SYT1: variants seen among roughly 807,000 people sequenced by gnomAD.
SYT1 encodes the protein synaptotagmin-1.
A neutral mutation model predicts 44.8 loss-of-function variants in SYT1; 8 were observed. The ratio of observed to expected loss-of-function variants is 0.18; its 90% CI spans 0.10 to 0.32. The LOEUF is 0.32. SYT1 is among the 10% of genes least tolerant of loss of function. The pLI, the probability that SYT1 is intolerant of heterozygous loss-of-function variation, is 1.00. For synonymous variants in SYT1, 154 were observed against 188.8 expected, an observed-to-expected ratio of 0.82 and a Z score of 1.51; for missense variants, 286 against 509.3, an observed-to-expected ratio of 0.56 and a Z score of 4.22.
chr12:79,057,941 T>C (rs1263824183), intron 3 of SYT1, among the ~76,000 whole-genome samples: 1 of 152,024 alleles, frequency 6.6e-6, no homozygotes, highest in Non-Finnish European at 1.5e-5. Context: ...TTATAATAAA[T>C]ACCATTTTAT....
intron 3 of SYT1, among the ~76,000 whole-genome samples, chr12:79,129,517 T>C (rs1052525918): frequency 6.6e-6 from 1 of 152,176 alleles, no homozygotes; most frequent in Admixed American, 6.5e-5. Context: ...GAGTAGTGTA[T>C]TGACCATGGA....
At chr12:78,950,369 A>G (rs1878897824) in intron 1 of SYT1, among the ~76,000 whole-genome samples, 1 of 152,118 alleles carries the variant, frequency 6.6e-6, no homozygotes, top group Non-Finnish European at 1.5e-5. Flanking sequence ...CAACATATGT[A>G]AATGAACAAT....
intron 1 of SYT1, among the ~76,000 whole-genome samples, chr12:78,918,293 C>G (rs1280376063): frequency 1.3e-5 from 2 of 152,010 alleles, no homozygotes; most frequent in Non-Finnish European, 2.9e-5. Flanking sequence ...GTGAAAACAG[C>G]CTTTCCCTTG....
At chr12:79,331,352 G>A (rs913168111) in intron 8 of SYT1, among the ~76,000 whole-genome samples, 1 of 152,016 alleles carries the variant, frequency 6.6e-6, no homozygotes, top group Non-Finnish European at 1.5e-5. Flanking sequence ...ATCTCCTTCA[G>A]CCAAATGGTC....
At chr12:79,359,610 C>T (rs1883242135) in intron 9 of SYT1, among the ~76,000 whole-genome samples, 1 of 152,052 alleles carries the variant, frequency 6.6e-6, no homozygotes, top group African/African-American at 2.4e-5. Context: ...AAGGAGTCAC[C>T]ATCACTATAT....
intron 9 of SYT1, among the ~76,000 whole-genome samples, chr12:79,389,101 C>G (rs1041280984): frequency 2.0e-5 from 3 of 152,204 alleles, no homozygotes; most frequent in Non-Finnish European, 4.4e-5. Context: ...CTACTTACAA[C>G]AGAATTATAT....
intron 4 of SYT1, among the ~76,000 whole-genome samples, chr12:79,232,204 T>A (rs1014269376): frequency 6.6e-6 from 1 of 152,232 alleles, no homozygotes; most frequent in Non-Finnish European, 1.5e-5. Context: ...CCACTGCATA[T>A]GTATAGAGCA....
At chr12:78,954,433 C>T (rs957207455) in intron 1 of SYT1, among the ~76,000 whole-genome samples, 2 of 151,580 alleles carry the variant, frequency 1.3e-5, no homozygotes, top group East Asian at 1.9e-4. Context: ...TTTTAAATTA[C>T]CAAAATGATA....
intron 1 of SYT1, among the ~76,000 whole-genome samples, chr12:78,954,404 A>G (rs1383323436): frequency 6.6e-6 from 1 of 151,966 alleles, no homozygotes; most frequent in African/African-American, 2.4e-5. Context: ...TAACTTTTAT[A>G]TTTGAATATA....
chr12:79,111,867 T>A (rs1879030831), intron 3 of SYT1, among the ~76,000 whole-genome samples: 1 of 152,112 alleles, frequency 6.6e-6, no homozygotes, highest in Admixed American at 6.6e-5. Flanking sequence ...CCTAATTTCA[T>A]GTTCTAAAAA....
chr12:79,390,212 C>T (rs370179551), intron 9 of SYT1, among the ~76,000 whole-genome samples: 33 of 152,240 alleles, frequency 2.2e-4, no homozygotes, highest in Admixed American at 4.6e-4. Flanking sequence ...GGATTACAGG[C>T]GTGAACCACC....
rs1871048974 is a variant in SYT1 at position 79,451,334 on chromosome 12, G to GA, written c.*2214dup. ...GTGAAATTAAATAATGGTTTGAACA[G>GA]AAAATTCAAACAAGACTCTTTCCAA... On this transcript the variant is annotated 3_prime_UTR_variant, in exon 11 of 11. Coordinates refer to ENST00000261205, the MANE Select transcript of SYT1 (RefSeq NM_005639.3). The GA allele has an allele frequency of 6.6e-6, 1 of 152,210 alleles. No homozygotes were observed. Among genetic ancestry groups the GA allele is most frequent in the Non-Finnish European group, 1.5e-5 (1 of 68,042 alleles). The allele number at this position is 152,210 out of a possible 1,614,324, so 9.4% of individuals were successfully genotyped here. A position where few individuals can be genotyped will look rare whatever the true frequency, so the allele number is the denominator to read the frequency against.
At chr12:79,036,936 G>A (rs1410773390) in intron 2 of SYT1, among the ~76,000 whole-genome samples, 1 of 151,790 alleles carries the variant, frequency 6.6e-6, no homozygotes, top group Non-Finnish European at 1.5e-5. Flanking sequence ...TGAAATCAAG[G>A]TCAGAATAGA....
chr12:78,931,228 AAAGAAAGAAAGAAGG>A lies in SYT1; in HGVS notation c.-216-46567_-216-46553del, dbSNP rs1565723383. ...GAAAGAAAGAAAGAAAGAAAGAAAG[AAAGAAAGAAAGAAGG>A]AAGGAAGGAAGGAAGGAAGGAAGGA... On this transcript the variant is annotated intron_variant, in intron 1 of 10. Transcript: ENST00000261205. Among the ~76,000 whole-genome samples the A allele has an allele frequency of 3.9e-3, 250 of 64,190 alleles. 4 individuals are homozygous for A. Among genetic ancestry groups the A allele is most frequent in the African/African-American group, 0.01 (121 of 11,596 alleles). 42.1% of individuals were successfully genotyped at this position (64,190 alleles called of 152,430 possible). A position where few individuals can be genotyped will look rare whatever the true frequency, so the allele number is the denominator to read the frequency against.
rs201280932 is a variant in SYT1, at chr12:79,217,899, C to CA, written c.166+226dup. Among the ~76,000 whole-genome samples the CA allele has an allele frequency of 2.8e-4, 42 of 149,416 alleles. No individual in the cohort carries two copies. In the Middle Eastern group the frequency reaches 0.01, roughly 37 times the overall value. Reference sequence around the variant, plus strand: ...ACTTCATAAATGAAAATCCAGTTTACAAAAAAAAAAAAGTCTGCAGCTTGT... The same window carrying CA: ...ACTTCATAAATGAAAATCCAGTTTACAAAAAAAAAAAAAGTCTGCAGCTTGT... On this transcript the variant is annotated intron_variant, in intron 4 of 10. Coordinates refer to ENST00000261205, the MANE Select transcript of SYT1 (RefSeq NM_005639.3).
intron 3 of SYT1, among the ~76,000 whole-genome samples, chr12:79,111,600 AG>A (rs1459691432): frequency 2.6e-5 from 4 of 152,086 alleles, no homozygotes; most frequent in Non-Finnish European, 5.9e-5. Flanking sequence ...TATATTTCAA[AG>A]TATCTCACAG....
chr12:78,960,800 T>C (rs1053533204), intron 1 of SYT1: 1 of 152,166 alleles, frequency 6.6e-6, no homozygotes, highest in Non-Finnish European at 1.5e-5. Context: ...ACCATGTTTT[T>C]TTCCTGTAGA....
Position 78,869,488 on chromosome 12 carries a change from T to C in SYT1, c.-217+4379T>C, listed in dbSNP as rs553156947. On this transcript the variant is annotated intron_variant, in intron 1 of 10. Coordinates refer to ENST00000261205, the MANE Select transcript of SYT1 (RefSeq NM_005639.3). ...GAAAACTTTTCTTTAAAGTGGACAA[T>C]AAATATATTGCTATGTTGTAGAAAT... Among the ~76,000 whole-genome samples the C allele has an allele frequency of 2.5e-3, 373 of 152,118 alleles. 1 individual carries two copies. The highest frequency in any genetic ancestry group is 8.6e-3 in the African/African-American group (356 of 41,556).
chr12:79,054,500 A>G (rs996235603), intron 3 of SYT1, among the ~76,000 whole-genome samples: 2 of 152,024 alleles, frequency 1.3e-5, no homozygotes, highest in African/African-American at 4.8e-5. Context: ...TTTTGTTTGT[A>G]AATAACAATA....
Sources: gnomAD v4.1 joint callset for allele counts (sites outside exome capture counted in the v4.1 genomes callset) on GRCh38, gnomAD v4.1.1 for gene constraint, MANE v1.5 for transcripts, NCBI Gene and HGNC (gene_info 2026-07-23, HGNC 2026-07-21) for gene names.